Variants in ADCY8 observed in about 807,000 individuals in gnomAD.
ADCY8 encodes adenylate cyclase 8.
ADCY8 carries 51 observed loss-of-function variants against 119.7 expected under a neutral mutation model. That is an observed-to-expected ratio of 0.43 (90% CI 0.34 to 0.54). ADCY8 has a LOEUF of 0.54. ADCY8 is among the 20% of genes least tolerant of loss of function. ADCY8 has a pLI of 0.03. For missense variants in ADCY8, 1,383 were observed against 1,598.8 expected (o/e 0.87, Z 2.30); for synonymous variants, 665 against 651.0 (o/e 1.02, Z -0.33).
intron 5 of ADCY8, among the ~76,000 whole-genome samples, chr8:130,917,667 G>A (rs1319038989): frequency 2.6e-5 from 4 of 152,070 alleles, no homozygotes; most frequent in East Asian, 1.9e-4. Flanking sequence ...TGTTGATCCC[G>A]CTCAGGGGAG....
intron 2 of ADCY8, among the ~76,000 whole-genome samples, chr8:130,982,787 T>A (rs1822277557): frequency 6.6e-6 from 1 of 152,272 alleles, no homozygotes; most frequent in Non-Finnish European, 1.5e-5. Context: ...CAATGTATAA[T>A]CAACATTCAA....
chr8:131,005,477 G>A (rs576026520), intron 1 of ADCY8, among the ~76,000 whole-genome samples: 2 of 152,234 alleles, frequency 1.3e-5, no homozygotes, highest in South Asian at 4.1e-4. Flanking sequence ...AGTCACACAG[G>A]ATAACTTGGA....
chr8:130,988,826 A>G (rs937942833), intron 2 of ADCY8, among the ~76,000 whole-genome samples: 30 of 152,234 alleles, frequency 2.0e-4, no homozygotes, highest in Non-Finnish European at 3.8e-4. Context: ...TCTTATGGAG[A>G]TGGTAAGGCA....
chr8:130,817,036 T>A (rs971751286), intron 13 of ADCY8, among the ~76,000 whole-genome samples: 1 of 152,178 alleles, frequency 6.6e-6, no homozygotes, highest in African/African-American at 2.4e-5. Flanking sequence ...GATGACATGC[T>A]GCCAGAGGGA....
chr8:131,000,625 G>A (rs936734884), intron 1 of ADCY8, among the ~76,000 whole-genome samples: 1 of 152,060 alleles, frequency 6.6e-6, no homozygotes, highest in Admixed American at 6.6e-5. Flanking sequence ...AATGAATGAC[G>A]CAAGTGGTAA....
At chr8:130,783,584 G>A (rs1443899678) in intron 17 of ADCY8, 107 bp downstream of exon 17, 8 of 704,606 alleles carry the variant, frequency 1.1e-5, no homozygotes, top group Non-Finnish European at 4.8e-6. Context: ...TAGATCTATT[G>A]CATTTTGCAG....
At chr8:130,870,615 C>G (rs561838550) in intron 8 of ADCY8, among the ~76,000 whole-genome samples, 1 of 152,156 alleles carries the variant, frequency 6.6e-6, no homozygotes, top group Non-Finnish European at 1.5e-5. Flanking sequence ...TTTGCAAAGG[C>G]TTCCTTTCCA....
chr8:130,821,289 T>TGGTAACAAGAAATGTCA, intron 13 of ADCY8, 53 bp downstream of exon 13: 1 of 1,494,186 alleles, frequency 6.7e-7, no homozygotes, highest in South Asian at 1.1e-5. Flanking sequence ...GCCAGTTTGA[T>TGGTAACAAGAAATGTCA]GGTAACAAGA....
chr8:130,916,534 C>A (rs935270807), intron 5 of ADCY8, among the ~76,000 whole-genome samples: 1 of 152,234 alleles, frequency 6.6e-6, no homozygotes, highest in African/African-American at 2.4e-5. Flanking sequence ...TGGCCATAAA[C>A]TGGCCCCAAA....
rs1176410001 is a variant in ADCY8 at position 131,039,807 on chromosome 8, C to T, written c.527G>A (p.Gly176Asp). The change falls in exon 1 of 18, where the codon GGC becomes GAC. Residue 176 changes from glycine (G) to aspartate (D), a missense_variant. Gly to Asp is a moderately conservative substitution (Grantham distance 94). Transcript: ENST00000286355. Reference sequence around the variant, plus strand: ...CACCACTTCCGATTTGCGCCTTTGGCCCAAGAAATAGCGCTGGTAGAGGCG... The same window carrying T: ...CACCACTTCCGATTTGCGCCTTTGGTCCAAGAAATAGCGCTGGTAGAGGCG... ...LERLYQRYFL[G>D]QRRKSEVVMN... The T allele has an allele frequency of 1.2e-6, 2 of 1,614,186 alleles. No individual in the cohort carries two copies. Among genetic ancestry groups the T allele is most frequent in the Admixed American group, 3.3e-5 (2 of 60,032 alleles).
intron 1 of ADCY8, among the ~76,000 whole-genome samples, chr8:131,030,378 G>A (rs368239222): frequency 1.3e-5 from 2 of 152,140 alleles, no homozygotes; most frequent in East Asian, 1.9e-4. Context: ...TCTTCACCAG[G>A]GAGGAAGATC....
At chr8:130,981,857 C>G (rs1316489311) in intron 2 of ADCY8, among the ~76,000 whole-genome samples, 2 of 152,184 alleles carry the variant, frequency 1.3e-5, no homozygotes, top group Non-Finnish European at 2.9e-5. Context: ...ACCCTCAGCT[C>G]TCATCTATTG....
intron 5 of ADCY8, among the ~76,000 whole-genome samples, chr8:130,910,553 T>C (rs1424443840): frequency 6.6e-6 from 1 of 152,162 alleles, no homozygotes; most frequent in Admixed American, 6.5e-5. Flanking sequence ...TTTTCTGACC[T>C]ACTACTTAGA....
chr8:130,929,039 T>G (rs920236155), intron 5 of ADCY8, among the ~76,000 whole-genome samples: 3 of 152,122 alleles, frequency 2.0e-5, no homozygotes, highest in African/African-American at 7.2e-5. Context: ...TCAAATGAAT[T>G]TATTCATTTT....
At position 130,929,139 on chromosome 8, in the gene ADCY8, T is replaced by C. The variant is rs189829316; in HGVS notation, c.1481+7934A>G. The stretch of plus-strand genomic sequence containing the variant: ...AATCAACTCTTGGTTTTGTTTATTT[T>C]TTCTAGTCTATTTCTGTCCTGATTT... On this transcript the variant is annotated intron_variant, in intron 5 of 17. Coordinates refer to ENST00000286355, the MANE Select transcript of ADCY8 (RefSeq NM_001115.3). Among the ~76,000 whole-genome samples, 18 of 152,262 alleles carry C rather than the reference T, an allele frequency of 1.2e-4. 1 individual carries two copies. The East Asian group carries it at 2.5e-3, about 21-fold the overall frequency.
intron 11 of ADCY8, among the ~76,000 whole-genome samples, chr8:130,844,017 A>G (rs569073653): frequency 7.0e-4 from 107 of 152,318 alleles, no homozygotes; most frequent in Non-Finnish European, 1.0e-3. Flanking sequence ...AGGAAATGCC[A>G]GCATGCCAAG....
At chr8:130,837,265 TC>T (rs1433364371) in intron 11 of ADCY8, among the ~76,000 whole-genome samples, 26 of 152,146 alleles carry the variant, frequency 1.7e-4, no homozygotes, top group African/African-American at 6.3e-4. Context: ...CAAATTATAT[TC>T]TCCTTTCTGA....
rs1394388304 is a variant in ADCY8 at position 130,884,723 on chromosome 8, A to G, written c.1950T>C (p.Leu650=). The G allele has an allele frequency of 2.5e-6, 4 of 1,613,846 alleles. No individual in the cohort carries two copies. Among genetic ancestry groups the G allele is most frequent in the Non-Finnish European group, 3.4e-6 (4 of 1,179,784 alleles). The change falls in exon 8 of 18, where the codon CTT becomes CTC. Residue 650 remains leucine (L), a synonymous_variant. Transcript: ENST00000286355. ...AALTRNSINL[L]PNHLAQALHV... ...GCAAAGCTTGTGCAAGATGGTTTGG[A>G]AGCAGATTTATTGAATTTCTTGTTA...
At chr8:130,875,415 T>G (rs921455727) in intron 8 of ADCY8, among the ~76,000 whole-genome samples, 7 of 152,196 alleles carry the variant, frequency 4.6e-5, no homozygotes, top group African/African-American at 1.4e-4. Context: ...AGGAGATATG[T>G]GATTTAGAAA....
Sources: allele counts gnomAD v4.1 joint callset (sites outside exome capture counted in the v4.1 genomes callset), GRCh38; gene constraint gnomAD v4.1.1; transcripts MANE v1.5; gene names NCBI Gene and HGNC (gene_info 2026-07-23, HGNC 2026-07-21).